The following GSPT1 variants were observed in gnomAD, a reference collection of about 807,000 sequenced individuals.
GSPT1 encodes G1 to S phase transition 1.
Under a neutral mutation model 72.5 loss-of-function variants are expected in GSPT1, and 20 were observed. The ratio of observed to expected loss-of-function variants is 0.28; its 90% CI spans 0.19 to 0.40. GSPT1 has a LOEUF of 0.40. Ranked by LOEUF, GSPT1 falls within the 10% of genes least tolerant of loss-of-function variation. GSPT1 has a pLI of 1.00. For missense variants in GSPT1, 580 were observed against 811.9 expected (o/e 0.71, Z 3.47); for synonymous variants, 334 against 293.5 (o/e 1.14, Z -1.41).
chr16:11,898,138 G>T, intron 1 of GSPT1, 103 bp from the exon 2 acceptor site: 1 of 729,110 alleles, frequency 1.4e-6, no homozygotes. Flanking sequence ...CACGACACAA[G>T]CCTCAATCAA....
intron 5 of GSPT1, among the ~76,000 whole-genome samples, chr16:11,893,809 T>C (rs2054300163): frequency 6.6e-6 from 1 of 151,906 alleles, no homozygotes. Flanking sequence ...TTTAACAGCC[T>C]GTCTTAGAGT....
intron 5 of GSPT1, among the ~76,000 whole-genome samples, chr16:11,892,511 AAACAAAAAAAAC>A (rs1219647136): frequency 2.2e-5 from 3 of 133,934 alleles, no homozygotes; most frequent in Non-Finnish European, 3.2e-5. Flanking sequence ...TTTCTCAAAA[AAACAAAAAAAAC>A]AAAAAAAACA....
In GSPT1 at chr16:11,896,611, G is replaced by A. The variant is rs961685675; in HGVS notation, c.611C>T (p.Pro204Leu). Residue 204 changes from proline to leucine, a missense_variant, in exon 4 of 15, where the codon CCG becomes CTG. Physicochemically the swap from Pro to Leu is moderately conservative, Grantham distance 98. Transcript: ENST00000434724. ...ATGCTCTTTCTTAGGAGCACCTGGC[G>A]GTGCAACCACAGACTTAGGTTTTGG... ...EIPKPKSVVA[P>L]PGAPKKEHVN... 1.7e-5 allele frequency: 28 copies of A among 1,609,262 alleles called. No individual in the cohort carries two copies. In the Admixed American group the frequency reaches 2.7e-4, roughly 15 times the overall value.
At chr16:11,911,860 T>C (rs867710695) in intron 1 of GSPT1, among the ~76,000 whole-genome samples, 1,638 of 99,888 alleles carry the variant, frequency 0.016, 15 homozygotes, top group South Asian at 0.041. Context: ...CTGTATTTTT[T>C]TTTTTTTTTT....
chr16:11,903,514 C>T (rs1350753403), intron 1 of GSPT1, among the ~76,000 whole-genome samples: 1 of 151,916 alleles, frequency 6.6e-6, no homozygotes, highest in Non-Finnish European at 1.5e-5. Flanking sequence ...GACTCTGTCT[C>T]AAAAAAATTA....
intron 11 of GSPT1, chr16:11,882,432 G>T (rs1394046716): frequency 6.6e-6 from 1 of 152,332 alleles, no homozygotes; most frequent in Non-Finnish European, 1.5e-5. Flanking sequence ...AATACAATTT[G>T]TAAGGTGCCA....
At chr16:11,916,330 G>A (rs1398660806), upstream of GSPT1, among the ~76,000 whole-genome samples, 2 of 152,374 alleles carry the variant, frequency 1.3e-5, no homozygotes, top group Admixed American at 6.5e-5. Flanking sequence ...GCCGAAGACC[G>A]AGAGTATTTT....
chr16:11,879,871 T>C (rs900347373), intron 11 of GSPT1, among the ~76,000 whole-genome samples: 1 of 152,234 alleles, frequency 6.6e-6, no homozygotes, highest in Non-Finnish European at 1.5e-5. Context: ...AAAATACATG[T>C]AACAAAATTT....
At chr16:11,892,061 T>A (rs2054268611) in intron 5 of GSPT1, among the ~76,000 whole-genome samples, 2 of 151,706 alleles carry the variant, frequency 1.3e-5, no homozygotes, top group African/African-American at 4.8e-5. Context: ...ACAGACAAAG[T>A]GGCCTGGTGT....
At chr16:11,875,197 G>C (rs548125007) in intron 14 of GSPT1, among the ~76,000 whole-genome samples, 36 of 151,970 alleles carry the variant, frequency 2.4e-4, no homozygotes, top group African/African-American at 8.2e-4. Context: ...TCAAAAAAAG[G>C]AAAGGAAAGG....
chr16:11,898,553 G>A (rs1219874028), intron 1 of GSPT1, among the ~76,000 whole-genome samples: 4 of 150,148 alleles, frequency 2.7e-5, no homozygotes, highest in Non-Finnish European at 4.4e-5. Flanking sequence ...CCCGGTTCAA[G>A]CGATTCTCCT....
At chr16:11,887,869 T>C (rs2054203323) in intron 6 of GSPT1, 119 bp from the exon 7 acceptor site, 3 of 756,804 alleles carry the variant, frequency 4.0e-6, no homozygotes, top group African/African-American at 1.8e-5. Flanking sequence ...ACAAGATTGG[T>C]GAAATGAAAA....
In GSPT1 at chr16:11,886,405, C is replaced by G. The variant is rs1016594251; in HGVS notation, c.1253+66G>C. 6 of 1,068,208 alleles carry G rather than the reference C, an allele frequency of 5.6e-6. No homozygotes were observed. In the Admixed American group the frequency reaches 9.4e-5, roughly 17 times the overall value. 66.2% of individuals were successfully genotyped at this position (1,068,208 alleles called of 1,614,324 possible). ...TGTTAACATGTTACTCAGCATATGTCTTTATAAGTAATTTAAGTAATAACA... is the reference window on the plus strand; with the variant it reads ...TGTTAACATGTTACTCAGCATATGTGTTTATAAGTAATTTAAGTAATAACA... On this transcript the variant is annotated intron_variant, in intron 9 of 14. Transcript: ENST00000434724.
rs752054907 is a variant in GSPT1, at chr16:11,915,914, C to T, written c.-194G>A. On this transcript the variant is annotated 5_prime_UTR_variant, in exon 1 of 15. Coordinates refer to ENST00000434724, the MANE Select transcript of GSPT1 (RefSeq NM_002094.4). ...TCCACACTCGCGACGACGACAGAGG[C>T]GGCGGCGGCGGCAGCTCAACCCTCC... The T allele has an allele frequency of 3.7e-6, 3 of 810,914 alleles. No homozygotes were observed. Among genetic ancestry groups the T allele is most frequent in the East Asian group, 2.5e-5 (1 of 39,388 alleles). 50.2% of individuals were successfully genotyped at this position (810,914 alleles called of 1,614,324 possible). A position where few individuals can be genotyped will look rare whatever the true frequency, so the allele number is the denominator to read the frequency against.
At chr16:11,875,020 T>A (rs1346805573) in intron 14 of GSPT1, among the ~76,000 whole-genome samples, 4 of 152,014 alleles carry the variant, frequency 2.6e-5, no homozygotes, top group African/African-American at 4.8e-5. Context: ...TGAAACCCCG[T>A]CTCTACAAAA....
Position 11,896,876 on chromosome 16 carries a change from T to G in GSPT1, c.437-91A>C, listed in dbSNP as rs1159709889. The G allele has an allele frequency of 9.4e-6, 8 of 846,906 alleles. No homozygotes were observed. In the East Asian group the frequency reaches 1.6e-4, roughly 17 times the overall value. The allele number at this position is 846,906 out of a possible 1,614,324, so 52.5% of individuals were successfully genotyped here. ...AGCTTTAAAACAACAAATGGAAGTT[T>G]GCATATGTAGTTCCATTTCCTAATG... On this transcript the variant is annotated intron_variant, in intron 3 of 14. Coordinates refer to ENST00000434724, the MANE Select transcript of GSPT1 (RefSeq NM_002094.4).
At chr16:11,914,707 T>A (rs1361980265) in intron 1 of GSPT1, among the ~76,000 whole-genome samples, 1 of 152,204 alleles carries the variant, frequency 6.6e-6, no homozygotes, top group Non-Finnish European at 1.5e-5. Context: ...ACACATTAAG[T>A]GAGGAATCCT....
In GSPT1 at chr16:11,870,879, G is replaced by C. The variant is rs2053970810; in HGVS notation, c.*2240C>G. The C allele has an allele frequency of 6.6e-6, 1 of 152,154 alleles. No homozygotes were observed. Among genetic ancestry groups the C allele is most frequent in the Admixed American group, 6.5e-5 (1 of 15,270 alleles). The allele number at this position is 152,154 out of a possible 1,614,324, so 9.4% of individuals were successfully genotyped here. Reference sequence around the variant, plus strand: ...CACAGTTGATATCCAAGTTACTTAAGAGTCTTGGCAACATGCACATAATAG... The same window carrying C: ...CACAGTTGATATCCAAGTTACTTAACAGTCTTGGCAACATGCACATAATAG... On this transcript the variant is annotated 3_prime_UTR_variant, in exon 15 of 15. Coordinates refer to ENST00000434724, the MANE Select transcript of GSPT1 (RefSeq NM_002094.4).
intron 1 of GSPT1, among the ~76,000 whole-genome samples, chr16:11,906,577 T>C (rs945420703): frequency 6.6e-6 from 1 of 152,108 alleles, no homozygotes; most frequent in African/African-American, 2.4e-5. Context: ...GAGGCCACAG[T>C]GAGCTATGAT....
Sources: gnomAD v4.1 joint callset for allele counts (sites outside exome capture counted in the v4.1 genomes callset) on GRCh38, gnomAD v4.1.1 for gene constraint, MANE v1.5 for transcripts, NCBI Gene and HGNC (gene_info 2026-07-23, HGNC 2026-07-21) for gene names.